KIF21A: variants seen among roughly 807,000 people sequenced by gnomAD.
KIF21A encodes the protein kinesin family member 21A.
In KIF21A, 114 loss-of-function variants were observed where a neutral mutation model predicts 202.9. The ratio of observed to expected loss-of-function variants is 0.56; its 90% CI spans 0.48 to 0.66. The LOEUF is 0.66. Among genes scored for constraint, KIF21A ranks in the 30% least tolerant of loss-of-function variants. KIF21A has a pLI of 0.00. For synonymous variants in KIF21A, 667 were observed against 670.8 expected, an observed-to-expected ratio of 0.99 and a Z score of 0.09; for missense variants, 1,677 against 1,994.9, an observed-to-expected ratio of 0.84 and a Z score of 3.04.
intron 6 of KIF21A, among the ~76,000 whole-genome samples, chr12:39,364,013 G>A (rs1461641267): frequency 3.9e-5 from 6 of 152,074 alleles, no homozygotes; most frequent in East Asian, 3.9e-4. Context: ...GTGAGACCCC[G>A]CCTCAAAATA....
intron 1 of KIF21A, among the ~76,000 whole-genome samples, chr12:39,423,983 CAAAAAAAAAA>C (rs35526386): frequency 0.18 from 4,526 of 25,508 alleles, 117 homozygotes; most frequent in South Asian, 0.25. Context: ...GACTCTGTCT[CAAAAAAAAAA>C]AAAAAAAAAA....
In KIF21A at chr12:39,367,912, T is replaced by C. The variant is rs1949706418; in HGVS notation, c.571A>G (p.Thr191Ala). 6.2e-7 allele frequency: 1 copy of C among 1,609,774 alleles called. No homozygotes were observed. The highest frequency in any genetic ancestry group is 1.1e-5 in the South Asian group (1 of 90,958). The change falls in exon 4 of 38, where the codon ACA becomes GCA. Residue 191 changes from threonine (T) to alanine (A), a missense_variant. Around this residue, in one of 3 missense-constraint regions of KIF21A, gnomAD observed 966 missense variants for 1,180.9 expected, o/e 0.82. Coordinates refer to ENST00000361418, the MANE Select transcript of KIF21A (RefSeq NM_001173464.2). The stretch of plus-strand genomic sequence containing the variant: ...GATTCTGTATTCACAGTACGTGTTG[T>C]AACGCCCACAGTATAAATTCCTCCA... The part of the protein sequence containing the change: ...STGGIYTVGV[T>A]TRTVNTESEM...
chr12:39,441,368 C>T (rs1020955028), intron 1 of KIF21A, among the ~76,000 whole-genome samples: 1 of 152,004 alleles, frequency 6.6e-6, no homozygotes, highest in Admixed American at 6.6e-5. Flanking sequence ...GACAAATTGT[C>T]TGTTTTCAGT....
At position 39,369,752 on chromosome 12, in the gene KIF21A, T is replaced by C; in HGVS notation, c.427A>G (p.Lys143Glu). The C allele has an allele frequency of 1.9e-6, 3 of 1,612,838 alleles. No homozygotes were observed. The highest frequency in any genetic ancestry group is 2.5e-6 in the Non-Finnish European group (3 of 1,179,598). The change falls in exon 3 of 38, where the codon AAA becomes GAA. Residue 143 changes from lysine (K) to glutamate (E), a missense_variant. Lys to Glu is a moderately conservative substitution (Grantham distance 56). Transcript: ENST00000361418. ...IKNGLPAPDFKVNAQFLELYN... is the reference protein window; with the variant it reads ...IKNGLPAPDFEVNAQFLELYN... ...ACCTCTAAGAATTGGGCATTCACTT[T>C]AAAATCTGGAGCAGGAAGCCCATTT...
chr12:39,346,572 G>C, intron 11 of KIF21A, 68 bp from the exon 12 acceptor site: 1 of 1,114,174 alleles, frequency 9.0e-7, no homozygotes, highest in Non-Finnish European at 1.2e-6. Context: ...AGTAAAAAGC[G>C]AAAGTGATAA....
chr12:39,425,014 T>G (rs1274846407), intron 1 of KIF21A, among the ~76,000 whole-genome samples: 2 of 152,150 alleles, frequency 1.3e-5, no homozygotes, highest in East Asian at 3.9e-4. Flanking sequence ...GGTTCTATTT[T>G]CTATATCTGG....
rs1341137082 is a variant in KIF21A at position 39,311,572 on chromosome 12, AAAC to A, written c.3960-22_3960-20del. ...TATGCCCCTAAGGTGGGGAAAAAAC[AAAC>A]AAACCAAGACTCACTTCAGTATCAT... On this transcript the variant is annotated intron_variant, in intron 31 of 37. Coordinates refer to ENST00000361418, the MANE Select transcript of KIF21A (RefSeq NM_001173464.2). 6.2e-7 allele frequency: 1 copy of A among 1,611,878 alleles called. No individual in the cohort carries two copies. The highest frequency in any genetic ancestry group is 8.5e-7 in the Non-Finnish European group (1 of 1,178,644).
intron 1 of KIF21A, among the ~76,000 whole-genome samples, chr12:39,440,297 G>A (rs567225968): frequency 6.6e-6 from 1 of 152,262 alleles, no homozygotes; most frequent in South Asian, 2.1e-4. Context: ...ACTTCCGCAG[G>A]GTTAATGGTT....
chr12:39,427,168 G>T (rs374220907), intron 1 of KIF21A, among the ~76,000 whole-genome samples: 1 of 152,066 alleles, frequency 6.6e-6, no homozygotes, highest in African/African-American at 2.4e-5. Context: ...ACTAATAAAC[G>T]GAACTGAACT....
intron 12 of KIF21A, among the ~76,000 whole-genome samples, chr12:39,344,331 T>G (rs1170326895): frequency 1.3e-5 from 2 of 152,204 alleles, no homozygotes; most frequent in African/African-American, 4.8e-5. Flanking sequence ...AGTGCTATAC[T>G]TGAGGTTTAG....
rs139512618 is a variant in KIF21A at position 39,316,699 on chromosome 12, T to A, written c.3909-729A>T. Among the ~76,000 whole-genome samples, 26 of 152,222 alleles carry A rather than the reference T, an allele frequency of 1.7e-4. No homozygotes were observed. The East Asian group carries it at 4.1e-3, about 24-fold the overall frequency. ...TAGCATAGAATGTAACCTGAAACAA[T>A]GTGGGAGATCTGCGTCTTGCTAGTG... On this transcript the variant is annotated intron_variant, in intron 29 of 37. Coordinates refer to ENST00000361418, the MANE Select transcript of KIF21A (RefSeq NM_001173464.2).
intron 10 of KIF21A, among the ~76,000 whole-genome samples, chr12:39,355,080 CTAAT>C (rs1015259219): frequency 2.0e-5 from 3 of 152,064 alleles, no homozygotes; most frequent in Non-Finnish European, 4.4e-5. Context: ...TGGGACACAC[CTAAT>C]TAAAGAGCCA....
chr12:39,335,125 A>G (rs1295801275), intron 17 of KIF21A, among the ~76,000 whole-genome samples: 1 of 152,166 alleles, frequency 6.6e-6, no homozygotes, highest in African/African-American at 2.4e-5. Context: ...ATCGTGTTAA[A>G]TAAAAGAAGC....
intron 1 of KIF21A, among the ~76,000 whole-genome samples, chr12:39,405,845 A>C (rs1952543056): frequency 6.6e-6 from 1 of 152,204 alleles, no homozygotes; most frequent in Non-Finnish European, 1.5e-5. Context: ...CGTAAGAAAA[A>C]AAAATATGCA....
At chr12:39,331,921 T>C (rs1216077254) in intron 21 of KIF21A, 130 bp from the exon 22 acceptor site, 1 of 770,180 alleles carries the variant, frequency 1.3e-6, no homozygotes, top group African/African-American at 1.7e-5. Context: ...GTGCAATATA[T>C]GATCATTACC....
At chr12:39,389,211 C>CACACAT (rs1320209457) in intron 1 of KIF21A, among the ~76,000 whole-genome samples, 1 of 149,866 alleles carries the variant, frequency 6.7e-6, no homozygotes, top group Non-Finnish European at 1.5e-5. Context: ...CACACACACA[C>CACACAT]ATATATACAT....
chr12:39,400,469 T>C (rs1313186061), intron 1 of KIF21A, among the ~76,000 whole-genome samples: 7 of 151,956 alleles, frequency 4.6e-5, no homozygotes, highest in Non-Finnish European at 1.0e-4. Context: ...CCCCAGTGTG[T>C]GTTGTTCCCC....
chr12:39,307,084 T>G (rs1347054511), intron 34 of KIF21A, among the ~76,000 whole-genome samples: 2 of 152,206 alleles, frequency 1.3e-5, no homozygotes, highest in African/African-American at 4.8e-5. Flanking sequence ...TTTAACTACT[T>G]TATCTTCTTA....
At chr12:39,375,456 C>A (rs1950213713) in intron 1 of KIF21A, among the ~76,000 whole-genome samples, 1 of 152,102 alleles carries the variant, frequency 6.6e-6, no homozygotes, top group Non-Finnish European at 1.5e-5. Flanking sequence ...ATGTTGGGAA[C>A]AAGCAAACTT....
Sources: allele counts gnomAD v4.1 joint callset (sites outside exome capture counted in the v4.1 genomes callset), GRCh38; gene constraint gnomAD v4.1.1; regional missense constraint gnomAD v4.1.1; transcripts MANE v1.5; gene names NCBI Gene and HGNC (gene_info 2026-07-23, HGNC 2026-07-21).